C20orf203: variants seen among roughly 807,000 people sequenced by gnomAD.
C20orf203 encodes chromosome 20 open reading frame 203.
In C20orf203, 16 loss-of-function variants were observed where a neutral mutation model predicts 15.9. The ratio of observed to expected loss-of-function variants is 1.01; its 90% CI spans 0.68 to 1.53. The LOEUF (loss-of-function observed/expected upper bound fraction) is 1.53. Ranked by LOEUF, C20orf203 falls within the 40% of genes most tolerant of loss-of-function variation. The pLI is 0.00. For synonymous variants in C20orf203, 98 were observed against 97.2 expected (o/e 1.01, Z -0.05); for missense variants, 263 against 247.5 (o/e 1.06, Z -0.42).
chr20:32,665,130 G>A (rs1410476628), intron 1 of C20orf203, among the ~76,000 whole-genome samples: 2 of 152,218 alleles, frequency 1.3e-5, no homozygotes, highest in African/African-American at 4.8e-5. Context: ...CACACAGCAG[G>A]GTCCCAGGTT....
At chr20:32,640,239 CTT>C (rs1204476348) in intron 5 of C20orf203, among the ~76,000 whole-genome samples, 1 of 151,970 alleles carries the variant, frequency 6.6e-6, no homozygotes, top group Non-Finnish European at 1.5e-5. Context: ...CCTTACAATT[CTT>C]TTCTTTTTTT....
In C20orf203 at chr20:32,671,332, T is replaced by C. The variant is rs374721537; in HGVS notation, c.-264+2300A>G. On this transcript the variant is annotated intron_variant, in intron 1 of 5. Coordinates refer to ENST00000608990, the MANE Select transcript of C20orf203 (RefSeq NM_182584.4). ...AAACAACATATGGTGTGTACACACA[T>C]TGGAATATTATTTAGCCATCAAAAT... Among the ~76,000 whole-genome samples the C allele has an allele frequency of 3.0e-4, 45 of 152,318 alleles. No homozygotes were observed. In the South Asian group the frequency reaches 9.3e-3, roughly 32 times the overall value.
intron 1 of C20orf203, among the ~76,000 whole-genome samples, chr20:32,662,928 T>TATAG (rs201212559): frequency 0.081 from 11,499 of 141,694 alleles, 568 homozygotes; most frequent in African/African-American, 0.1. Context: ...GATATATATA[T>TATAG]ATAGATAGAT....
intron 1 of C20orf203, among the ~76,000 whole-genome samples, chr20:32,658,924 G>A (rs1378161934): frequency 6.6e-6 from 1 of 151,904 alleles, no homozygotes; most frequent in Admixed American, 6.6e-5. Context: ...TGCCCAGGCT[G>A]GAGTACAATG....
At chr20:32,658,448 C>T (rs577468032) in intron 1 of C20orf203, among the ~76,000 whole-genome samples, 3 of 151,818 alleles carry the variant, frequency 2.0e-5, no homozygotes, top group Admixed American at 6.6e-5. Context: ...CACTACCATG[C>T]CCAGCTAATT....
Position 32,632,137 on chromosome 20 carries a change from C to A in C20orf203, c.*3433G>T. On this transcript the variant is annotated 3_prime_UTR_variant, in exon 6 of 6. Coordinates refer to ENST00000608990, the MANE Select transcript of C20orf203 (RefSeq NM_182584.4). ...CCGCGTGGAACCCAGAGCAGTCTCC[C>A]CAGCCTGGGCTTGCATTTGAGCCTC... 1 of 152,358 alleles carries A rather than the reference C, an allele frequency of 6.6e-6. No individual in the cohort carries two copies. The allele number at this position is 152,358 out of a possible 1,614,324, so 9.4% of individuals were successfully genotyped here. A position where few individuals can be genotyped will look rare whatever the true frequency, so the allele number is the denominator to read the frequency against.
At chr20:32,645,463 C>G (rs896651932) in intron 4 of C20orf203, among the ~76,000 whole-genome samples, 1 of 152,212 alleles carries the variant, frequency 6.6e-6, no homozygotes, top group Non-Finnish European at 1.5e-5. Flanking sequence ...ACCCTGCCCC[C>G]CTGGGGGGAT....
intron 1 of C20orf203, among the ~76,000 whole-genome samples, chr20:32,663,095 CCCA>C (rs1229045626): frequency 6.6e-6 from 1 of 151,548 alleles, no homozygotes; most frequent in East Asian, 1.9e-4. Context: ...ATTATAGGCG[CCCA>C]CCACCATGCC....
rs1471562951 is a variant in C20orf203 at position 32,673,480 on chromosome 20, G to A, written c.-264+152C>T. Among the ~76,000 whole-genome samples, 4 of 152,324 alleles carry A rather than the reference G, an allele frequency of 2.6e-5. No individual in the cohort carries two copies. The East Asian group carries it at 5.8e-4, about 22-fold the overall frequency. On this transcript the variant is annotated intron_variant, in intron 1 of 5. Transcript: ENST00000608990. ...CCGTGGGCACAGAGACCCAGGTGGA[G>A]CTCCAAGGGACACATGAGGCACAGG...
At chr20:32,639,605 G>A (rs912914179) in intron 5 of C20orf203, among the ~76,000 whole-genome samples, 2 of 144,016 alleles carry the variant, frequency 1.4e-5, no homozygotes, top group Admixed American at 1.4e-4. Context: ...GCAAGACCCT[G>A]TAACAATATT....
At chr20:32,635,451 G>A (rs1020592974) in intron 5 of C20orf203, among the ~76,000 whole-genome samples, 2 of 151,272 alleles carry the variant, frequency 1.3e-5, no homozygotes, top group East Asian at 2.0e-4. Flanking sequence ...GGCCAAGATC[G>A]CACCACTGCA....
Position 32,650,745 on chromosome 20 carries a change from C to T in C20orf203, c.272G>A (p.Gly91Asp), listed in dbSNP as rs1476967794. The T allele has an allele frequency of 2.0e-6, 3 of 1,535,198 alleles. No homozygotes were observed. The highest frequency in any genetic ancestry group is 2.6e-6 in the Non-Finnish European group (3 of 1,138,656). The change falls in exon 4 of 6, where the codon GGC becomes GAC. Residue 91 changes from glycine to aspartate, a missense_variant. Transcript: ENST00000608990. ...QRQPPPPQHP[G>D]PYQERIWVGG... is the part of the protein sequence containing the mutation. ...AACCCAAATCCTTTCCTGATAAGGGCCTGGGTGTTGCGGAGGAGGAGGCTG... is the reference window on the plus strand; with the variant it reads ...AACCCAAATCCTTTCCTGATAAGGGTCTGGGTGTTGCGGAGGAGGAGGCTG...
Position 32,668,778 on chromosome 20 carries a change from C to T in C20orf203, c.-264+4854G>A, listed in dbSNP as rs529320416. ...GTTGCAGTGAGCCAAGATCGCCCCA[C>T]TGTAGTCCAGCCTGGGTGACAGAGT... On this transcript the variant is annotated intron_variant, in intron 1 of 5. Coordinates refer to ENST00000608990, the MANE Select transcript of C20orf203 (RefSeq NM_182584.4). 7.2e-5 allele frequency among the ~76,000 whole-genome samples: 11 copies of T among 152,216 alleles called. No individual in the cohort carries two copies. The East Asian group carries it at 2.1e-3, about 29-fold the overall frequency.
chr20:32,634,669 C>T (rs185104696), intron 5 of C20orf203, among the ~76,000 whole-genome samples: 12 of 152,264 alleles, frequency 7.9e-5, no homozygotes, highest in East Asian at 1.9e-4. Flanking sequence ...GGGCCACCAC[C>T]GGCTGGAGTC....
intron 1 of C20orf203, among the ~76,000 whole-genome samples, chr20:32,669,862 A>C (rs942680201): frequency 2.6e-5 from 4 of 152,242 alleles, no homozygotes; most frequent in Admixed American, 2.0e-4. Flanking sequence ...GTGAAAGGCA[A>C]TCTACTGAAT....
intron 1 of C20orf203, among the ~76,000 whole-genome samples, chr20:32,660,827 AT>A (rs1270667944): frequency 6.6e-6 from 1 of 152,216 alleles, no homozygotes; most frequent in Non-Finnish European, 1.5e-5. Context: ...GGAATCAAGC[AT>A]GTCCTTCTTC....
chr20:32,654,848 AAAG>A (rs1479448726), intron 1 of C20orf203, among the ~76,000 whole-genome samples: 5 of 152,192 alleles, frequency 3.3e-5, no homozygotes, highest in East Asian at 1.9e-4. Context: ...TTCCCCAAAA[AAAG>A]AAGAAGAAAA....
rs59581416 is a variant in C20orf203, at chr20:32,632,583, A to G, written c.*2987T>C. The G allele has an allele frequency of 6.6e-6, 1 of 152,106 alleles. No individual in the cohort carries two copies. Among genetic ancestry groups the G allele is most frequent in the East Asian group, 1.9e-4 (1 of 5,190 alleles). The allele number at this position is 152,106 out of a possible 1,614,324, so 9.4% of individuals were successfully genotyped here. A position where few individuals can be genotyped will look rare whatever the true frequency, so the allele number is the denominator to read the frequency against. ...TGCGCTGTATCTGGCCTTTTTCACAAAAAAAACATGTATCTCAGAGCTTCT... is the reference window on the plus strand; with the variant it reads ...TGCGCTGTATCTGGCCTTTTTCACAGAAAAAACATGTATCTCAGAGCTTCT... On this transcript the variant is annotated 3_prime_UTR_variant, in exon 6 of 6. Coordinates refer to ENST00000608990, the MANE Select transcript of C20orf203 (RefSeq NM_182584.4).
intron 1 of C20orf203, among the ~76,000 whole-genome samples, chr20:32,672,641 G>A (rs1983200773): frequency 6.6e-6 from 1 of 151,546 alleles, no homozygotes; most frequent in East Asian, 1.9e-4. Flanking sequence ...GAACCACAGT[G>A]TGCCTGTCTC....
Sources: gnomAD v4.1 joint callset for allele counts (sites outside exome capture counted in the v4.1 genomes callset) on GRCh38, gnomAD v4.1.1 for gene constraint, MANE v1.5 for transcripts, NCBI Gene and HGNC (gene_info 2026-07-23, HGNC 2026-07-21) for gene names.